The following LRRC7 variants were observed in gnomAD, a reference collection of about 807,000 sequenced individuals.
The protein encoded by LRRC7 is leucine-rich repeat-containing protein 7.
Under a neutral mutation model 175.7 loss-of-function variants are expected in LRRC7, and 23 were observed. That is an observed-to-expected ratio of 0.13 (90% CI 0.09 to 0.19). LRRC7 has a LOEUF of 0.19. Among genes scored for constraint, LRRC7 ranks in the 10% least tolerant of loss-of-function variants. LRRC7 has a pLI of 1.00. For synonymous variants in LRRC7, 685 were observed against 680.9 expected (o/e 1.01, Z -0.09); for missense variants, 1,354 against 1,904.7 (o/e 0.71, Z 5.38).
chr1:69,657,622 A>G (rs1265931287), intron 1 of LRRC7, among the ~76,000 whole-genome samples: 1 of 151,890 alleles, frequency 6.6e-6, no homozygotes, highest in Non-Finnish European at 1.5e-5. Context: ...ACCCTATGAT[A>G]TTATTGACTT....
At chr1:69,970,042 A>T (rs1557942362) in intron 8 of LRRC7, among the ~76,000 whole-genome samples, 1 of 152,186 alleles carries the variant, frequency 6.6e-6, no homozygotes, top group Non-Finnish European at 1.5e-5. Flanking sequence ...TTGGGTCAAA[A>T]ACAAAATCAA....
At chr1:69,687,005 TA>T (rs1557600020) in intron 2 of LRRC7, among the ~76,000 whole-genome samples, 5 of 152,276 alleles carry the variant, frequency 3.3e-5, no homozygotes, top group South Asian at 2.1e-4. Flanking sequence ...TTACAAGGGA[TA>T]AAAAAGGTCA....
At position 70,082,432 on chromosome 1, in the gene LRRC7, G is replaced by A. The variant is rs114545395; in HGVS notation, c.4452+6134G>A. 5.3e-3 allele frequency among the ~76,000 whole-genome samples: 800 copies of A among 152,182 alleles called. 2 individuals carry two copies. The highest frequency in any genetic ancestry group is 8.7e-3 in the Non-Finnish European group (590 of 68,010). On this transcript the variant is annotated intron_variant, in intron 24 of 26. Transcript: ENST00000651989. ...CTCCAGTCATCAAAATAATGCTTCAGTTCTGAATTTGTAATTCATAGTTTG... is the reference window on the plus strand; with the variant it reads ...CTCCAGTCATCAAAATAATGCTTCAATTCTGAATTTGTAATTCATAGTTTG...
intron 7 of LRRC7, among the ~76,000 whole-genome samples, chr1:69,891,343 G>A (rs1645827181): frequency 1.3e-5 from 2 of 152,224 alleles, no homozygotes; most frequent in East Asian, 3.8e-4. Flanking sequence ...GGAACAGGCA[G>A]AATATACACA....
intron 3 of LRRC7, among the ~76,000 whole-genome samples, chr1:69,791,077 A>G (rs1179708871): frequency 6.6e-6 from 1 of 152,018 alleles, no homozygotes; most frequent in Non-Finnish European, 1.5e-5. Flanking sequence ...ACCAGACTTC[A>G]TCTGTGGAAA....
intron 3 of LRRC7, among the ~76,000 whole-genome samples, chr1:69,788,326 T>C (rs926309772): frequency 6.6e-6 from 1 of 152,228 alleles, no homozygotes; most frequent in Non-Finnish European, 1.5e-5. Flanking sequence ...GAGCTCATTT[T>C]ATACAATAAA....
chr1:69,900,285 G>A (rs965878262), intron 7 of LRRC7, among the ~76,000 whole-genome samples: 2 of 152,144 alleles, frequency 1.3e-5, no homozygotes, highest in African/African-American at 2.4e-5. Flanking sequence ...GGATTTGGAA[G>A]AGAAGTAATC....
At chr1:70,097,181 C>T (rs983375401) in intron 25 of LRRC7, among the ~76,000 whole-genome samples, 1 of 152,178 alleles carries the variant, frequency 6.6e-6, no homozygotes, top group African/African-American at 2.4e-5. Flanking sequence ...CTATGCACAG[C>T]CTTGGCCTAA....
intron 26 of LRRC7, among the ~76,000 whole-genome samples, chr1:70,114,863 A>T (rs1163819438): frequency 6.6e-6 from 1 of 152,232 alleles, no homozygotes; most frequent in Non-Finnish European, 1.5e-5. Context: ...ATGAAAACCA[A>T]TAAAACAAAT....
At chr1:69,757,408 A>G (rs540004616) in intron 2 of LRRC7, among the ~76,000 whole-genome samples, 2 of 152,104 alleles carry the variant, frequency 1.3e-5, no homozygotes, top group East Asian at 3.9e-4. Context: ...GGAGGATTCA[A>G]TGAAGAGAGA....
intron 8 of LRRC7, among the ~76,000 whole-genome samples, chr1:69,958,054 A>G (rs1050945768): frequency 2.6e-5 from 4 of 151,994 alleles, no homozygotes; most frequent in African/African-American, 9.7e-5. Context: ...TACTATAATT[A>G]TAATTTATGT....
intron 1 of LRRC7, among the ~76,000 whole-genome samples, chr1:69,616,762 G>T (rs1372630214): frequency 1.3e-5 from 2 of 152,084 alleles, no homozygotes; most frequent in Admixed American, 1.3e-4. Context: ...GAGAAATGAA[G>T]TGGTATATTT....
intron 7 of LRRC7, among the ~76,000 whole-genome samples, chr1:69,892,184 G>A (rs1645856127): frequency 1.3e-5 from 2 of 152,194 alleles, no homozygotes; most frequent in Non-Finnish European, 2.9e-5. Flanking sequence ...TGGAAAGACG[G>A]CAGCAGCATA....
intron 1 of LRRC7, among the ~76,000 whole-genome samples, chr1:69,643,146 G>A (rs762245073): frequency 1.4e-4 from 21 of 152,050 alleles, no homozygotes; most frequent in Non-Finnish European, 2.4e-4. Context: ...AGGAAGATAG[G>A]GGAAGCATTG....
chr1:69,872,275 A>G (rs1685629892), intron 7 of LRRC7, among the ~76,000 whole-genome samples: 1 of 152,018 alleles, frequency 6.6e-6, no homozygotes. Flanking sequence ...TATTAATTGA[A>G]ATGTGATTGG....
intron 2 of LRRC7, among the ~76,000 whole-genome samples, chr1:69,731,861 G>T (rs1667614965): frequency 6.6e-6 from 1 of 152,126 alleles, no homozygotes; most frequent in African/African-American, 2.4e-5. Flanking sequence ...ATTATTACAA[G>T]ATCTTGCTTA....
At chr1:69,934,831 G>C (rs189653554) in intron 8 of LRRC7, among the ~76,000 whole-genome samples, 13 of 151,992 alleles carry the variant, frequency 8.6e-5, no homozygotes, top group Non-Finnish European at 1.8e-4. Flanking sequence ...CCCTAGTCTA[G>C]ACCCAGCTTC....
rs1307529811 is a variant in LRRC7 at position 70,121,834 on chromosome 1, A to G, written c.4675A>G (p.Lys1559Glu). Reference sequence around the variant, plus strand: ...ACATGAAAAAGCTGTATTACTACTGAAGAGTTTCCAGAACACAGTAGACCT... The same window carrying G: ...ACATGAAAAAGCTGTATTACTACTGGAGAGTTTCCAGAACACAGTAGACCT... ...MEHEKAVLLL[K>E]SFQNTVDLVI... The change falls in exon 27 of 27, where the codon AAG (lysine) becomes GAG (glutamate). Residue 1559 changes from lysine to glutamate, a missense_variant. Physicochemically the swap from Lys to Glu is moderately conservative, Grantham distance 56. Around this residue, in one of 4 missense-constraint regions of LRRC7, gnomAD observed 53 missense variants for 112.6 expected, o/e 0.47. Transcript: ENST00000651989. The G allele has an allele frequency of 6.2e-7, 1 of 1,612,808 alleles. No homozygotes were observed. The highest frequency in any genetic ancestry group is 1.7e-5 in the Admixed American group (1 of 59,924).
rs28461514 is a variant in LRRC7 at position 69,853,274 on chromosome 1, T to C, written c.647+14991T>C. ...GTTTCTCTTTTTCCTTTCTTTCTTT[T>C]TTTTTTTTTTTTTTTTTTTTTTGAG... On this transcript the variant is annotated intron_variant, in intron 7 of 26. Transcript: ENST00000651989. Among the ~76,000 whole-genome samples the C allele has an allele frequency of 6.4e-3, 249 of 38,730 alleles. 1 individual carries two copies. The highest frequency in any genetic ancestry group is 6.8e-3 in the Non-Finnish European group (106 of 15,492). The allele number at this position is 38,730 out of a possible 152,430, so 25.4% of individuals were successfully genotyped here.
Sources: allele counts gnomAD v4.1 joint callset (sites outside exome capture counted in the v4.1 genomes callset), GRCh38; gene constraint gnomAD v4.1.1; regional missense constraint gnomAD v4.1.1; transcripts MANE v1.5; gene names NCBI Gene and HGNC (gene_info 2026-07-23, HGNC 2026-07-21).